Variants in COL6A6 observed in about 807,000 individuals in gnomAD.
COL6A6 encodes the protein collagen alpha-6(VI) chain.
In COL6A6, 183 loss-of-function variants were observed where a neutral mutation model predicts 208.6. The ratio of observed to expected loss-of-function variants is 0.88; its 90% confidence interval spans 0.78 to 0.99. The LOEUF is 0.99. COL6A6 is among the 50% of genes least tolerant of loss of function. The pLI, the probability that COL6A6 is intolerant of heterozygous loss-of-function variation, is 0.00. For missense variants in COL6A6, 2,816 were observed against 2,815.2 expected, an observed-to-expected ratio of 1.00 and a Z score of -0.01; for synonymous variants, 973 against 1,011.8, an observed-to-expected ratio of 0.96 and a Z score of 0.73.
rs777093754 is a variant in COL6A6, at chr3:130,649,152, C to G, written c.5323C>G (p.Arg1775Gly). 6.3e-7 allele frequency: 1 copy of G among 1,591,834 alleles called. No homozygotes were observed. Reference sequence around the variant, plus strand: ...GGATGTCACTGAGCAGGAATTTGAGCGGATGAAGGAGATGATGGCTTTCCT... The same window carrying G: ...GGATGTCACTGAGCAGGAATTTGAGGGGATGAAGGAGATGATGGCTTTCCT... ...SRDVTEQEFE[R>G]MKEMMAFLVR... Residue 1775 changes from arginine (R) to glycine (G), a missense_variant, in exon 33 of 37, where the codon CGG becomes GGG. Transcript: ENST00000358511.
Position 130,649,286 on chromosome 3 carries a change from C to G in COL6A6, c.5457C>G (p.Tyr1819Ter). ...ACCTTGTGCGCTTCTCAGACGCCTA[C>G]AAGAAGAGTCAACTTCTCAGAGAAA... is the stretch of plus-strand genomic sequence containing the variant. ...ARHLVRFSDA[Y>*]KKSQLLREIE... The change falls in exon 33 of 37, where the codon TAC (tyrosine) becomes TAG (stop). Residue 1819 changes from tyrosine (Y) to a stop codon, truncating the protein, a stop_gained. Transcript: ENST00000358511. LOFTEE classifies it high-confidence loss of function. 6.2e-7 allele frequency: 1 copy of G among 1,604,750 alleles called. No individual in the cohort carries two copies.
Position 130,563,172 on chromosome 3 carries a change from C to G in COL6A6, c.169C>G (p.Leu57Val). 3.1e-6 allele frequency: 5 copies of G among 1,614,022 alleles called. No homozygotes were observed. Among genetic ancestry groups the G allele is most frequent in the Non-Finnish European group, 4.2e-6 (5 of 1,179,894 alleles). The change falls in exon 3 of 37, where the codon CTC becomes GTC. Residue 57 changes from leucine to valine, a missense_variant. By Grantham distance (32) the Leu-to-Val change is conservative. Coordinates refer to ENST00000358511, the MANE Select transcript of COL6A6 (RefSeq NM_001102608.3). ...KMFITKMISS[L>V]PIEADKYRVA... ...GTTCATCACCAAAATGATCAGCAGT[C>G]TCCCCATAGAGGCCGACAAATACCG...
intron 1 of COL6A6, among the ~76,000 whole-genome samples, chr3:130,549,157 T>C (rs971210957): frequency 7.9e-5 from 12 of 152,198 alleles, no homozygotes; most frequent in African/African-American, 2.7e-4. Flanking sequence ...CTCTTTATAT[T>C]GCTAAGATTC....
intron 1 of COL6A6, among the ~76,000 whole-genome samples, chr3:130,554,636 G>A (rs1010862494): frequency 1.3e-5 from 2 of 152,170 alleles, no homozygotes; most frequent in Admixed American, 1.3e-4. Flanking sequence ...GAGGTGTGGT[G>A]GAGGGATCAC....
At chr3:130,519,992 A>T (rs188580226) in intron 1 of COL6A6, among the ~76,000 whole-genome samples, 7 of 152,280 alleles carry the variant, frequency 4.6e-5, no homozygotes, top group Admixed American at 6.5e-5. Flanking sequence ...GTTTGTAGAG[A>T]TCATGGAGAT....
intron 34 of COL6A6, among the ~76,000 whole-genome samples, chr3:130,659,475 G>T (rs1439372719): frequency 6.6e-6 from 1 of 152,184 alleles, no homozygotes; most frequent in South Asian, 2.1e-4. Flanking sequence ...ATCAATGATG[G>T]TGATAATGAC....
At chr3:130,589,318 T>C in intron 12 of COL6A6, 136 bp downstream of exon 12, 2 of 573,700 alleles carry the variant, frequency 3.5e-6, no homozygotes, top group South Asian at 5.2e-5. Context: ...CTCCTCTTTT[T>C]ATATGTTAAG....
chr3:130,602,429 GAGAA>G (rs1364637729), intron 20 of COL6A6, among the ~76,000 whole-genome samples: 9 of 152,282 alleles, frequency 5.9e-5, no homozygotes, highest in Non-Finnish European at 1.0e-4. Flanking sequence ...AAAGCTGCAA[GAGAA>G]AGAAAACCAT....
intron 26 of COL6A6, among the ~76,000 whole-genome samples, chr3:130,634,210 A>AAATAAAT (rs1559769378): frequency 2.0e-5 from 1 of 50,322 alleles, no homozygotes; most frequent in South Asian, 7.1e-4. Context: ...GTTAAAAAAA[A>AAATAAAT]AAATAAATAA....
chr3:130,534,306 TTACCTC>T (rs2062175139), intron 1 of COL6A6, among the ~76,000 whole-genome samples: 1 of 152,184 alleles, frequency 6.6e-6, no homozygotes. Flanking sequence ...ACCATTCAGA[TTACCTC>T]TGCTGTGAAT....
chr3:130,644,724 C>T (rs1176671375), intron 31 of COL6A6, among the ~76,000 whole-genome samples: 1 of 152,142 alleles, frequency 6.6e-6, no homozygotes, highest in East Asian at 1.9e-4. Context: ...CCCTCCCAGG[C>T]AAAAAGTCTT....
chr3:130,573,186 G>A (rs1195606524), intron 7 of COL6A6, among the ~76,000 whole-genome samples: 1 of 152,042 alleles, frequency 6.6e-6, no homozygotes. Flanking sequence ...ATATTTATTG[G>A]CTCAAATGAC....
At position 130,574,522 on chromosome 3, in the gene COL6A6, A is replaced by G. The variant is rs769497846; in HGVS notation, c.3544A>G (p.Ser1182Gly). ...VRNICTTAGE[S>G]NCFVDVVVGF... Reference sequence around the variant, plus strand: ...CAACATCTGTACCACAGCGGGTGAAAGCAGTAAGTATTTAGCAAGTTCTTC... The same window carrying G: ...CAACATCTGTACCACAGCGGGTGAAGGCAGTAAGTATTTAGCAAGTTCTTC... The change falls in exon 8 of 37, where the codon AGC becomes GGC. Residue 1182 changes from serine to glycine, a missense_variant. Ser to Gly is a moderately conservative substitution (Grantham distance 56). Transcript: ENST00000358511. 1.9e-6 allele frequency: 3 copies of G among 1,612,254 alleles called. No homozygotes were observed. The highest frequency in any genetic ancestry group is 2.5e-6 in the Non-Finnish European group (3 of 1,178,706).
At chr3:130,555,013 T>C (rs2062735679) in intron 1 of COL6A6, among the ~76,000 whole-genome samples, 1 of 152,192 alleles carries the variant, frequency 6.6e-6, no homozygotes, top group Admixed American at 6.5e-5. Context: ...CAGGTCAGAC[T>C]GGCTCCATCT....
rs775728744 is a variant in COL6A6, at chr3:130,567,016, C to T, written c.1597C>T (p.Arg533Ter). The T allele has an allele frequency of 8.7e-6, 14 of 1,613,890 alleles. No individual in the cohort carries two copies. Among genetic ancestry groups the T allele is most frequent in the Middle Eastern group, 1.6e-4 (1 of 6,084 alleles). The part of the protein sequence containing the change: ...LSLLQKAKKQ[R>*]GNKVPCHLVV... ...TCTGTTGCAAAAAGCAAAGAAGCAG[C>T]GAGGAAACAAAGTTCCATGCCACCT... The change falls in exon 5 of 37, where the codon CGA becomes TGA. Residue 533 changes from arginine (R) to a stop codon, truncating the protein, a stop_gained. Coordinates refer to ENST00000358511, the MANE Select transcript of COL6A6 (RefSeq NM_001102608.3). LOFTEE classifies it high-confidence loss of function.
chr3:130,534,275 G>A (rs897785288), intron 1 of COL6A6, among the ~76,000 whole-genome samples: 2 of 152,110 alleles, frequency 1.3e-5, no homozygotes, highest in African/African-American at 4.8e-5. Context: ...TAAGGCTAAG[G>A]ATCTTTTCAT....
intron 2 of COL6A6, among the ~76,000 whole-genome samples, chr3:130,562,610 G>A (rs996148036): frequency 1.3e-5 from 2 of 152,018 alleles, no homozygotes; most frequent in Non-Finnish European, 2.9e-5. Context: ...CCATCTTTCA[G>A]ATTTTACCAT....
chr3:130,550,857 G>A (rs1410007032), intron 1 of COL6A6, among the ~76,000 whole-genome samples: 2 of 152,152 alleles, frequency 1.3e-5, no homozygotes, highest in Non-Finnish European at 2.9e-5. Flanking sequence ...TTTGTTGAGG[G>A]TTTTTAACAT....
At chr3:130,652,727 C>T (rs546850781) in intron 33 of COL6A6, among the ~76,000 whole-genome samples, 99 of 152,332 alleles carry the variant, frequency 6.5e-4, no homozygotes, top group South Asian at 4.4e-3. Flanking sequence ...TTCCATTGTG[C>T]TTTACCTACA....
Sources: gnomAD v4.1 joint callset for allele counts (sites outside exome capture counted in the v4.1 genomes callset) on GRCh38, gnomAD v4.1.1 for gene constraint, MANE v1.5 for transcripts, NCBI Gene and HGNC (gene_info 2026-07-23, HGNC 2026-07-21) for gene names.